COL10A1: variants seen among roughly 807,000 people sequenced by gnomAD.
COL10A1 encodes collagen alpha-1(X) chain.
Under a neutral mutation model 18.2 loss-of-function variants are expected in COL10A1, and 10 were observed. The observed-to-expected ratio is 0.55, with a 90% confidence interval of 0.34 to 0.93. The LOEUF is 0.93. Ranked by LOEUF, COL10A1 falls within the 40% of genes least tolerant of loss-of-function variation. The pLI is 0.02. For missense variants in COL10A1, 897 were observed against 853.5 expected, an observed-to-expected ratio of 1.05 and a Z score of -0.64; for synonymous variants, 330 against 316.6, an observed-to-expected ratio of 1.04 and a Z score of -0.45.
chr6:116,193,830 G>A, the COL10A1 span, among the ~76,000 whole-genome samples: 7 of 152,110 alleles, frequency 4.6e-5, no homozygotes, highest in African/African-American at 1.4e-4. Flanking sequence ...TAGCACTTTG[G>A]GAGGCCGAAA....
chr6:116,168,146 T>G, the COL10A1 span, among the ~76,000 whole-genome samples: 1 of 151,366 alleles, frequency 6.6e-6, no homozygotes, highest in Non-Finnish European at 1.5e-5. Flanking sequence ...TTAACACCAT[T>G]GGTTTGTTTT....
chr6:116,121,627 G>A lies in COL10A1; in HGVS notation c.489C>T (p.Pro163=), dbSNP rs1779131425. Residue 163 remains proline, a synonymous_variant, in exon 3 of 3, where the codon CCC becomes CCT. Coordinates refer to ENST00000651968, the MANE Select transcript of COL10A1 (RefSeq NM_000493.4). ...SVPGKPGQQG[P]TGAPGPRGFP... Reference sequence around the variant, plus strand: ...AGCCCCTGGGTCCTGGGGCTCCTGTGGGTCCCTGTTGTCCAGGTTTTCCTG... The same window carrying A: ...AGCCCCTGGGTCCTGGGGCTCCTGTAGGTCCCTGTTGTCCAGGTTTTCCTG... The A allele has an allele frequency of 6.2e-7, 1 of 1,613,798 alleles. No homozygotes were observed.
chr6:116,166,920 G>T, the COL10A1 span, among the ~76,000 whole-genome samples: 1 of 152,226 alleles, frequency 6.6e-6, no homozygotes, highest in East Asian at 1.9e-4. Context: ...CCAAAGAATT[G>T]AGCCAAGGAA....
At chr6:116,131,524 G>A (rs1365486567) in intron 1 of COL10A1, among the ~76,000 whole-genome samples, 1 of 152,152 alleles carries the variant, frequency 6.6e-6, no homozygotes, top group Non-Finnish European at 1.5e-5. Flanking sequence ...AGTTTATATT[G>A]GAGATCATTG....
At chr6:116,158,223 A>G (rs1394162179) in intron 1 of COL10A1, among the ~76,000 whole-genome samples, 3 of 152,054 alleles carry the variant, frequency 2.0e-5, no homozygotes, top group African/African-American at 7.2e-5. Flanking sequence ...ATTACAAGTG[A>G]GTGTAGATCT....
upstream of COL10A1, among the ~76,000 whole-genome samples, chr6:116,126,417 G>T (rs959745505): frequency 1.3e-5 from 2 of 152,016 alleles, no homozygotes; most frequent in African/African-American, 4.8e-5. Flanking sequence ...GTTCACGGTG[G>T]AATGATGATA....
At chr6:116,141,412 T>C (rs1217631120) in intron 1 of COL10A1, among the ~76,000 whole-genome samples, 2 of 152,154 alleles carry the variant, frequency 1.3e-5, no homozygotes, top group African/African-American at 2.4e-5. Flanking sequence ...AGTTAACTTC[T>C]ATCTAAGAAA....
the COL10A1 span, among the ~76,000 whole-genome samples, chr6:116,184,450 T>C: frequency 2.0e-5 from 3 of 152,008 alleles, no homozygotes; most frequent in African/African-American, 7.2e-5. Flanking sequence ...TTTGAAATAG[T>C]GTCAATTGGA....
chr6:116,173,871 C>A, the COL10A1 span, among the ~76,000 whole-genome samples: 517 of 152,264 alleles, frequency 3.4e-3, 4 homozygotes, highest in Non-Finnish European at 4.0e-3. Context: ...CTTCATTTAG[C>A]TTCTACCAGT....
At chr6:116,140,080 A>C (rs927148332) in intron 1 of COL10A1, among the ~76,000 whole-genome samples, 1 of 152,198 alleles carries the variant, frequency 6.6e-6, no homozygotes, top group African/African-American at 2.4e-5. Flanking sequence ...CCACAGGTTC[A>C]TAAAGCCAGT....
At chr6:116,123,484 T>G (rs1779199324) in intron 2 of COL10A1, among the ~76,000 whole-genome samples, 1 of 152,246 alleles carries the variant, frequency 6.6e-6, no homozygotes, top group African/African-American at 2.4e-5. Flanking sequence ...AAATCGTGAT[T>G]GGTTGTGTCA....
the COL10A1 span, among the ~76,000 whole-genome samples, chr6:116,183,783 T>A: frequency 3.4e-3 from 518 of 152,056 alleles, 15 homozygotes; most frequent in South Asian, 0.046. Flanking sequence ...TCATTTACCA[T>A]TTCTAGGAGC....
chr6:116,141,926 A>ACACACT (rs1209383390), intron 1 of COL10A1, among the ~76,000 whole-genome samples: 6 of 148,808 alleles, frequency 4.0e-5, no homozygotes, highest in African/African-American at 1.5e-4. Context: ...ACACACACAC[A>ACACACT]CTGTAAATGT....
intron 1 of COL10A1, among the ~76,000 whole-genome samples, chr6:116,143,192 T>G (rs1779808634): frequency 6.6e-6 from 1 of 152,058 alleles, no homozygotes. Flanking sequence ...GAGATAGTAC[T>G]ACATTTTCTC....
the COL10A1 span, among the ~76,000 whole-genome samples, chr6:116,167,231 T>G: frequency 1.5e-5 from 2 of 132,172 alleles, no homozygotes; most frequent in Non-Finnish European, 3.2e-5. Context: ...TTTTTTTTTT[T>G]GAGACAGAAT....
upstream of COL10A1, among the ~76,000 whole-genome samples, chr6:116,130,811 C>A (rs1479540864): frequency 3.3e-5 from 5 of 151,980 alleles, no homozygotes; most frequent in Admixed American, 3.3e-4. Context: ...TATAGTTATT[C>A]ATTTGTTTAT....
chr6:116,189,984 A>C, the COL10A1 span, among the ~76,000 whole-genome samples: 1 of 152,054 alleles, frequency 6.6e-6, no homozygotes, highest in Admixed American at 6.6e-5. Flanking sequence ...AGGTAGTGGC[A>C]CAATAATGAT....
the COL10A1 span, among the ~76,000 whole-genome samples, chr6:116,179,490 A>G: frequency 1.4e-4 from 22 of 152,246 alleles, no homozygotes; most frequent in African/African-American, 3.1e-4. Context: ...CGAATAGACA[A>G]TTCTCTAAAG....
intron 1 of COL10A1, among the ~76,000 whole-genome samples, chr6:116,148,722 G>A (rs1779958605): frequency 6.6e-6 from 1 of 152,064 alleles, no homozygotes; most frequent in Non-Finnish European, 1.5e-5. Flanking sequence ...CTTTCTCTAT[G>A]AGAGATAAGT....
Sources: gnomAD v4.1 joint callset for allele counts (sites outside exome capture counted in the v4.1 genomes callset) on GRCh38, gnomAD v4.1.1 for gene constraint, MANE v1.5 for transcripts, NCBI Gene and HGNC (gene_info 2026-07-23, HGNC 2026-07-21) for gene names.